RPTOR: variants seen among roughly 807,000 people sequenced by gnomAD.
The protein encoded by RPTOR is regulatory associated protein of MTOR complex 1.
A neutral mutation model predicts 169.9 loss-of-function variants in RPTOR; 21 were observed. The observed-to-expected ratio is 0.12, with a 90% CI of 0.09 to 0.18. RPTOR has a LOEUF of 0.18. Ranked by LOEUF, RPTOR falls within the 10% of genes least tolerant of loss-of-function variation. The pLI is 1.00. For missense variants in RPTOR, 1,133 were observed against 1,855.9 expected, an observed-to-expected ratio of 0.61 and a Z score of 7.16; for synonymous variants, 732 against 753.2, an observed-to-expected ratio of 0.97 and a Z score of 0.46.
chr17:80,755,658 G>A (rs935897244), intron 6 of RPTOR, among the ~76,000 whole-genome samples: 2 of 148,442 alleles, frequency 1.3e-5, no homozygotes, highest in Admixed American at 6.9e-5. Flanking sequence ...AGAATTGCTC[G>A]AACCTGGGAG....
chr17:80,774,404 A>C, intron 6 of RPTOR: 1 of 955,940 alleles, frequency 1.0e-6, no homozygotes, highest in Non-Finnish European at 1.2e-6. Context: ...ATTTGCTCTT[A>C]CTAATAACCC....
chr17:80,586,955 C>A (rs1404044892), intron 1 of RPTOR, among the ~76,000 whole-genome samples: 1 of 152,340 alleles, frequency 6.6e-6, no homozygotes, highest in East Asian at 1.9e-4. Flanking sequence ...AGCTGTGCTC[C>A]GCGTCTGCCG....
chr17:80,641,814 G>A (rs891857337), intron 2 of RPTOR, among the ~76,000 whole-genome samples: 3 of 152,236 alleles, frequency 2.0e-5, no homozygotes, highest in Admixed American at 2.0e-4. Context: ...TAATGGAGGA[G>A]GGGTGGTTGC....
intron 9 of RPTOR, among the ~76,000 whole-genome samples, chr17:80,833,728 G>A (rs533590560): frequency 2.0e-5 from 3 of 152,216 alleles, no homozygotes; most frequent in Admixed American, 6.5e-5. Context: ...AATGGCTCAC[G>A]CCTGTAATCC....
intron 6 of RPTOR, among the ~76,000 whole-genome samples, chr17:80,786,087 T>G (rs2143474911): frequency 6.6e-6 from 1 of 152,236 alleles, no homozygotes; most frequent in Admixed American, 6.5e-5. Context: ...CCGGACCAAG[T>G]CCTGAAGGTC....
chr17:80,590,688 A>G (rs1453402980), intron 1 of RPTOR, among the ~76,000 whole-genome samples: 3 of 152,264 alleles, frequency 2.0e-5, no homozygotes, highest in Non-Finnish European at 4.4e-5. Context: ...TTTCAGGTAT[A>G]ATCTGTCTAC....
At position 80,957,337 on chromosome 17, in the gene RPTOR, C is replaced by T. The variant is rs1403399947; in HGVS notation, c.3371-287C>T. Among the ~76,000 whole-genome samples the T allele has an allele frequency of 2.6e-5, 4 of 151,412 alleles. No homozygotes were observed. The highest frequency in any genetic ancestry group is 2.0e-4 in the Admixed American group (3 of 15,222). ...CACCCCGGCCTGGACTTGGGAGTTC[C>T]AGCTTAGAACTGTCACCCCAGCCTG... On this transcript the variant is annotated intron_variant, in intron 28 of 33. Transcript: ENST00000306801. This position sits in a 1 kb window ranked among gnomAD's most constrained non-coding sequence, Gnocchi z 4.6.
At chr17:80,557,751 C>G (rs907278914) in intron 1 of RPTOR, among the ~76,000 whole-genome samples, 10 of 150,198 alleles carry the variant, frequency 6.7e-5, no homozygotes, top group Non-Finnish European at 1.3e-4. Context: ...ATGGTGAAAC[C>G]CTGTTTTCTA....
At chr17:80,858,612 G>C (rs1001165513) in intron 13 of RPTOR, among the ~76,000 whole-genome samples, 1 of 152,212 alleles carries the variant, frequency 6.6e-6, no homozygotes, top group African/African-American at 2.4e-5. Flanking sequence ...CCTCCTGCAG[G>C]AGCTACCAGC....
chr17:80,594,373 T>G (rs1314354273), intron 1 of RPTOR, among the ~76,000 whole-genome samples: 1 of 152,286 alleles, frequency 6.6e-6, no homozygotes, highest in Non-Finnish European at 1.5e-5. Context: ...ATTACAGGCG[T>G]GAGCCACCAC....
intron 6 of RPTOR, chr17:80,774,249 T>C (rs2066872098): frequency 3.0e-6 from 3 of 985,322 alleles, no homozygotes; most frequent in Non-Finnish European, 3.6e-6. Context: ...GTGATGATGA[T>C]GCTCACGCTC....
chr17:80,837,891 G>A (rs746299188), intron 9 of RPTOR, 31 bp from the exon 10 acceptor site: 18 of 1,597,352 alleles, frequency 1.1e-5, no homozygotes, highest in Non-Finnish European at 1.5e-5. Context: ...CGTCCATAAT[G>A]CTCAGTGGAT....
chr17:80,597,818 T>C (rs1280584305), intron 1 of RPTOR, among the ~76,000 whole-genome samples: 1 of 151,982 alleles, frequency 6.6e-6, no homozygotes, highest in African/African-American at 2.4e-5. Context: ...CTGGCCATGT[T>C]TTTTTTGTTT....
chr17:80,923,492 G>T lies in RPTOR; in HGVS notation c.2627G>T (p.Gly876Val). The T allele has an allele frequency of 1.9e-6, 3 of 1,613,412 alleles. No individual in the cohort carries two copies. Among genetic ancestry groups the T allele is most frequent in the Non-Finnish European group, 2.5e-6 (3 of 1,179,948 alleles). The change falls in exon 23 of 34, where the codon GGC (glycine) becomes GTC (valine). Residue 876 changes from glycine (G) to valine (V), a missense_variant and splice_region_variant. This residue lies in a region of RPTOR where 123 missense variants were observed against 129.0 expected (regional missense o/e 0.95). Transcript: ENST00000306801. ...NKGVHIHQAG[G>V]SPPASSTSSS... ...GTTTGTTTTTCTTCCAATGGCAGGG[G>T]CTCCCCTCCGGCGTCCAGCACCAGC...
intron 9 of RPTOR, among the ~76,000 whole-genome samples, chr17:80,832,580 G>A (rs1193760964): frequency 2.0e-5 from 3 of 152,196 alleles, no homozygotes; most frequent in South Asian, 2.1e-4. Flanking sequence ...CGCTCAGACG[G>A]AGAACATTCG....
chr17:80,581,028 T>G (rs1272780574), intron 1 of RPTOR, among the ~76,000 whole-genome samples: 2 of 152,198 alleles, frequency 1.3e-5, no homozygotes, highest in Non-Finnish European at 2.9e-5. Flanking sequence ...GAAGTGTGGC[T>G]TGGGGCTCTG....
intron 1 of RPTOR, among the ~76,000 whole-genome samples, chr17:80,550,409 G>A (rs191404050): frequency 4.3e-4 from 65 of 152,224 alleles, no homozygotes; most frequent in African/African-American, 1.4e-3. Flanking sequence ...TAAATGCAGG[G>A]GCACCCCAGG....
chr17:80,712,226 A>T (rs1464301948), intron 4 of RPTOR, among the ~76,000 whole-genome samples: 1 of 152,088 alleles, frequency 6.6e-6, no homozygotes, highest in East Asian at 1.9e-4. Flanking sequence ...ATAATTAATG[A>T]TGTCCATATT....
chr17:80,648,297 G>A (rs1358185980), intron 3 of RPTOR, among the ~76,000 whole-genome samples: 1 of 152,116 alleles, frequency 6.6e-6, no homozygotes, highest in East Asian at 1.9e-4. Context: ...GGCAGTTTTG[G>A]TTCTACTTAA....
Sources: allele counts gnomAD v4.1 joint callset (sites outside exome capture counted in the v4.1 genomes callset), GRCh38; gene constraint gnomAD v4.1.1; regional missense constraint gnomAD v4.1.1; non-coding constraint Gnocchi (gnomAD v3.1); transcripts MANE v1.5; gene names NCBI Gene and HGNC (gene_info 2026-07-23, HGNC 2026-07-21).